The following FMN1 variants were observed in gnomAD, a reference collection of about 807,000 sequenced individuals.
The protein encoded by FMN1 is formin-1.
Under a neutral mutation model 132.4 loss-of-function variants are expected in FMN1, and 110 were observed. That is an observed-to-expected ratio of 0.83 (90% CI 0.71 to 0.97). The LOEUF (loss-of-function observed/expected upper bound fraction) is 0.97. Ranked by LOEUF, FMN1 falls within the 50% of genes least tolerant of loss-of-function variation. The probability of loss-of-function intolerance (pLI) is 0.00; values close to 1 mark genes in which losing one functional copy is unlikely to be tolerated. For synonymous variants in FMN1, 722 were observed against 651.7 expected (o/e 1.11, Z -1.64); for missense variants, 1,792 against 1,705.3 (o/e 1.05, Z -0.90).
Position 32,906,324 on chromosome 15 carries a change from A to G in FMN1, c.3377+2166T>C, listed in dbSNP as rs554102065. On this transcript the variant is annotated intron_variant, in intron 12 of 20. Transcript: ENST00000616417. ...GTTTACGTTTCTAAATTGTTGAAAA[A>G]AGAGTCAACAGAAGGACAACATTTT... Among the ~76,000 whole-genome samples the G allele has an allele frequency of 6.6e-5, 10 of 152,364 alleles. No homozygotes were observed. The South Asian group carries it at 1.0e-3, about 16-fold the overall frequency.
intron 16 of FMN1, among the ~76,000 whole-genome samples, chr15:32,859,817 A>G (rs796521412): frequency 9.9e-5 from 15 of 152,254 alleles, no homozygotes; most frequent in African/African-American, 3.4e-4. Flanking sequence ...TGGGAGGATC[A>G]CTTGAGGCCA....
chr15:32,888,906 TTGAG>T (rs1170977225), intron 15 of FMN1, among the ~76,000 whole-genome samples: 1 of 151,224 alleles, frequency 6.6e-6, no homozygotes, highest in Non-Finnish European at 1.5e-5. Flanking sequence ...TCACCCAGGC[TTGAG>T]TGCACTGACA....
In FMN1 at chr15:33,004,034, A is replaced by G. The variant is rs2034267809; in HGVS notation, c.2223+3980T>C. The stretch of plus-strand genomic sequence containing the variant: ...GGATCCCTTCCTTACACCTTATACA[A>G]AAATTAATTCAAAATGGATTAAAGA... On this transcript the variant is annotated intron_variant, in intron 7 of 20. Coordinates refer to ENST00000616417, the MANE Select transcript of FMN1 (RefSeq NM_001277313.2). Among the ~76,000 whole-genome samples the G allele has an allele frequency of 3.3e-5, 5 of 152,146 alleles. No homozygotes were observed. In the South Asian group the frequency reaches 1.0e-3, roughly 32 times the overall value.
rs71818992 is a variant in FMN1, at chr15:32,776,688, T to TTC, written c.4215+146_4215+147insGA. ...GTTTTGTACCTCCACCCACACATAC[T>TTC]TTTTTTTTTTTTTTTTTAACCATAT... On this transcript the variant is annotated intron_variant, in intron 20 of 20. Coordinates refer to ENST00000616417, the MANE Select transcript of FMN1 (RefSeq NM_001277313.2). 0.26 allele frequency: 47,610 copies of TTC among 184,950 alleles called. 1,493 individuals carry two copies. The highest frequency in any genetic ancestry group is 0.37 in the East Asian group (2,918 of 7,872). 11.5% of individuals were successfully genotyped at this position (184,950 alleles called of 1,614,324 possible).
In FMN1 at chr15:32,768,821, T is replaced by C. The variant is rs1271870523; in HGVS notation, c.*5489A>G. The C allele has an allele frequency of 2.0e-5, 3 of 152,144 alleles. No individual in the cohort carries two copies. Among genetic ancestry groups the C allele is most frequent in the Non-Finnish European group, 4.4e-5 (3 of 68,028 alleles). The allele number at this position is 152,144 out of a possible 1,614,324, so 9.4% of individuals were successfully genotyped here. A position where few individuals can be genotyped will look rare whatever the true frequency, so the allele number is the denominator to read the frequency against. ...AAATTACATAAGCGTAGAGGGAATG[T>C]AGAAAAATAAATTGATGGCTATATC... On this transcript the variant is annotated 3_prime_UTR_variant, in exon 21 of 21. Coordinates refer to ENST00000616417, the MANE Select transcript of FMN1 (RefSeq NM_001277313.2).
intron 4 of FMN1, among the ~76,000 whole-genome samples, chr15:33,112,453 C>A (rs1327649951): frequency 6.6e-6 from 1 of 152,050 alleles, no homozygotes; most frequent in African/African-American, 2.4e-5. Context: ...TGTTATTGCT[C>A]CATTAAACAA....
chr15:33,047,712 C>T (rs2141155246), intron 6 of FMN1, among the ~76,000 whole-genome samples: 1 of 152,264 alleles, frequency 6.6e-6, no homozygotes, highest in East Asian at 1.9e-4. Context: ...TGGGCTGACT[C>T]CCTCTTTTTG....
At chr15:33,009,858 G>A (rs576589670) in intron 6 of FMN1, among the ~76,000 whole-genome samples, 3 of 152,214 alleles carry the variant, frequency 2.0e-5, no homozygotes, top group African/African-American at 4.8e-5. Flanking sequence ...CAATAAAGAC[G>A]AATATATGCA....
chr15:32,897,789 G>A (rs1036952761), intron 15 of FMN1, among the ~76,000 whole-genome samples: 2 of 150,268 alleles, frequency 1.3e-5, no homozygotes, highest in African/African-American at 2.5e-5. Context: ...AATTCTCCAA[G>A]TGAGTGGTCT....
At chr15:33,067,442 GA>G in intron 5 of FMN1, 1 of 1,614,028 alleles carries the variant, frequency 6.2e-7, no homozygotes, top group Non-Finnish European at 8.5e-7. Context: ...ATCAGAGTCA[GA>G]ATCACTGGTG....
chr15:33,130,237 A>G (rs1303973060), intron 4 of FMN1, among the ~76,000 whole-genome samples: 1 of 152,208 alleles, frequency 6.6e-6, no homozygotes, highest in Non-Finnish European at 1.5e-5. Flanking sequence ...ATTATTTATT[A>G]TAACTATTTA....
At chr15:32,892,400 T>C (rs1277381768) in intron 15 of FMN1, among the ~76,000 whole-genome samples, 1 of 152,236 alleles carries the variant, frequency 6.6e-6, no homozygotes, top group Non-Finnish European at 1.5e-5. Context: ...GCATCCCTGG[T>C]ATGAAACCCA....
chr15:33,150,399 G>A lies in FMN1; in HGVS notation c.1867+2649C>T, dbSNP rs145568188. 3,252 of 985,434 alleles carry A rather than the reference G, an allele frequency of 3.3e-3. 10 individuals are homozygous for A. Among genetic ancestry groups the A allele is most frequent in the Non-Finnish European group, 3.7e-3 (3,037 of 829,926 alleles). The allele number at this position is 985,434 out of a possible 1,614,324, so 61.0% of individuals were successfully genotyped here. ...CCAGGTTGGTGGTGGGAGGAGGCAG[G>A]AGAAGAAAAACCTGACTACCAGTTC... On this transcript the variant is annotated intron_variant, in intron 4 of 20. Coordinates refer to ENST00000616417, the MANE Select transcript of FMN1 (RefSeq NM_001277313.2).
chr15:33,186,642 T>C (rs1242228880), intron 2 of FMN1, among the ~76,000 whole-genome samples: 1 of 152,254 alleles, frequency 6.6e-6, no homozygotes, highest in African/African-American at 2.4e-5. Context: ...TTCCTCTTCA[T>C]CATGTTTTTC....
rs374788996 is a variant in FMN1 at position 32,894,927 on chromosome 15, C to T, written c.3714+3907G>A. On this transcript the variant is annotated intron_variant, in intron 15 of 20. Coordinates refer to ENST00000616417, the MANE Select transcript of FMN1 (RefSeq NM_001277313.2). ...TGAAACACTGCTTGTAAATTAAAAGCAGATCAAAATTATTTTCTAATACCA... is the reference window on the plus strand; with the variant it reads ...TGAAACACTGCTTGTAAATTAAAAGTAGATCAAAATTATTTTCTAATACCA... 2.6e-5 allele frequency among the ~76,000 whole-genome samples: 4 copies of T among 151,982 alleles called. No homozygotes were observed. The East Asian group carries it at 7.7e-4, about 29-fold the overall frequency.
intron 3 of FMN1, among the ~76,000 whole-genome samples, chr15:33,174,454 C>T (rs1480041037): frequency 1.3e-5 from 2 of 152,094 alleles, no homozygotes; most frequent in Non-Finnish European, 2.9e-5. Context: ...CATTCTGAGC[C>T]AGTATTTTGT....
intron 5 of FMN1, among the ~76,000 whole-genome samples, chr15:33,085,527 CATGT>C (rs954242387): frequency 1.3e-5 from 2 of 149,662 alleles, no homozygotes; most frequent in African/African-American, 2.4e-5. Context: ...ATATATATCA[CATGT>C]ATTTATACAT....
At chr15:32,897,842 A>G (rs189184555) in intron 15 of FMN1, among the ~76,000 whole-genome samples, 1 of 152,324 alleles carries the variant, frequency 6.6e-6, no homozygotes, top group Admixed American at 6.5e-5. Flanking sequence ...ACAAAACAAA[A>G]AACAAAACAG....
At chr15:32,982,525 G>A (rs1443943228) in intron 7 of FMN1, among the ~76,000 whole-genome samples, 1 of 152,100 alleles carries the variant, frequency 6.6e-6, no homozygotes, top group Non-Finnish European at 1.5e-5. Flanking sequence ...GTATCAACTT[G>A]ACTGACCCCC....
Sources: allele counts gnomAD v4.1 joint callset (sites outside exome capture counted in the v4.1 genomes callset), GRCh38; gene constraint gnomAD v4.1.1; transcripts MANE v1.5; gene names NCBI Gene and HGNC (gene_info 2026-07-23, HGNC 2026-07-21).